The following ASB2 variants were observed in gnomAD, a reference collection of about 807,000 sequenced individuals.
ASB2 encodes ankyrin repeat and SOCS box protein 2.
ASB2 carries 58 observed loss-of-function variants against 62.4 expected under a neutral mutation model. That is an observed-to-expected ratio of 0.93 (90% CI 0.75 to 1.16). The LOEUF (loss-of-function observed/expected upper bound fraction) is 1.16. Among genes scored for constraint, ASB2 ranks in the 50% most tolerant of loss-of-function variants. The pLI is 0.00. For missense variants in ASB2, 928 were observed against 887.9 expected (o/e 1.05, Z -0.57); for synonymous variants, 386 against 385.3 (o/e 1.00, Z -0.02).
At chr14:93,969,470 G>A (rs1198358299) in intron 1 of ASB2, among the ~76,000 whole-genome samples, 2 of 152,168 alleles carry the variant, frequency 1.3e-5, no homozygotes, top group African/African-American at 2.4e-5. Flanking sequence ...GCATTGATTC[G>A]GGTGATGCCT....
intron 1 of ASB2, among the ~76,000 whole-genome samples, chr14:93,965,008 G>A (rs938596946): frequency 6.6e-6 from 1 of 151,820 alleles, no homozygotes; most frequent in African/African-American, 2.4e-5. Flanking sequence ...TATTCTCTCA[G>A]CACTACTCAT....
chr14:93,939,165 CTGCGGGGCCGGCGGG>C lies in ASB2; in HGVS notation c.1545_1559del (p.His515_Pro519del), dbSNP rs751921552. ...GCGCGTCGTTGAACCTGCTGGAGGG[CTGCGGGGCCGGCGGG>C]TGCGGGCCGTTGCCGTAGAGGCATG... On this transcript the variant is annotated inframe_deletion, in exon 8 of 10. Coordinates refer to ENST00000555019, the MANE Select transcript of ASB2 (RefSeq NM_001202429.2). 17 of 1,590,670 alleles carry C rather than the reference CTGCGGGGCCGGCGGG, an allele frequency of 1.1e-5. No individual in the cohort carries two copies. The highest frequency in any genetic ancestry group is 8.6e-7 in the Non-Finnish European group (1 of 1,164,812).
In ASB2 at chr14:93,937,757, G is replaced by A. The variant is rs201903938; in HGVS notation, c.1712C>T (p.Ser571Leu). 11 of 1,613,220 alleles carry A rather than the reference G, an allele frequency of 6.8e-6. No individual in the cohort carries two copies. The highest frequency in any genetic ancestry group is 3.3e-5 in the Admixed American group (2 of 60,012). The change falls in exon 9 of 10, where the codon TCG becomes TTG. Residue 571 changes from serine (S) to leucine (L), a missense_variant. Coordinates refer to ENST00000555019, the MANE Select transcript of ASB2 (RefSeq NM_001202429.2). ...GCTGTCGATGTGTTCCTTCAGCCGC[G>A]AGCAGAGCTGCACGTTGCCCACGTA... ...LDYVGNVQLC[S>L]RLKEHIDSFE...
At chr14:93,936,892 C>T (rs1888290769) in intron 9 of ASB2, among the ~76,000 whole-genome samples, 1 of 152,222 alleles carries the variant, frequency 6.6e-6, no homozygotes, top group South Asian at 2.1e-4. Context: ...CCATTTCTGT[C>T]ACCTGTGGCA....
chr14:93,944,835 C>T (rs187205724), intron 7 of ASB2, among the ~76,000 whole-genome samples: 11 of 152,300 alleles, frequency 7.2e-5, no homozygotes, highest in East Asian at 1.9e-4. Context: ...AGGCAGGACG[C>T]GCCTTACTCT....
At chr14:93,957,491 T>G in intron 2 of ASB2, 195 of 710,762 alleles carry the variant, frequency 2.7e-4, no homozygotes, top group Middle Eastern at 7.3e-4. Flanking sequence ...AGACACAGGT[T>G]CACATCTGGG....
intron 2 of ASB2, 176 bp from the exon 3 acceptor site, chr14:93,957,046 G>T: frequency 6.7e-7 from 1 of 1,488,976 alleles, no homozygotes; most frequent in East Asian, 2.4e-5. Flanking sequence ...CACAGCTGCT[G>T]TGTCTCCGGA....
chr14:93,950,794 T>C (rs973306042), intron 6 of ASB2, among the ~76,000 whole-genome samples: 3 of 150,826 alleles, frequency 2.0e-5, no homozygotes, highest in African/African-American at 7.3e-5. Context: ...ATGGCAGATG[T>C]CACTAGTGGA....
intron 1 of ASB2, among the ~76,000 whole-genome samples, chr14:93,966,869 G>C (rs1222949443): frequency 6.6e-6 from 1 of 152,176 alleles, no homozygotes; most frequent in African/African-American, 2.4e-5. Context: ...TGTGTGGCCA[G>C]AGTTGAGAAC....
chr14:93,972,061 T>TAA (rs1018306814), intron 1 of ASB2, among the ~76,000 whole-genome samples: 27 of 148,360 alleles, frequency 1.8e-4, no homozygotes, highest in Non-Finnish European at 3.6e-4. Flanking sequence ...ATTATATATA[T>TAA]AATATACACA....
At chr14:93,962,792 A>G (rs1361574025) in intron 2 of ASB2, among the ~76,000 whole-genome samples, 1 of 152,224 alleles carries the variant, frequency 6.6e-6, no homozygotes, top group Non-Finnish European at 1.5e-5. Flanking sequence ...CCCTGTCTTC[A>G]GAGGAAGGAT....
intron 7 of ASB2, among the ~76,000 whole-genome samples, chr14:93,946,955 T>A (rs1888748939): frequency 6.6e-6 from 1 of 152,196 alleles, no homozygotes; most frequent in South Asian, 2.1e-4. Context: ...TTGGAGCAGG[T>A]GAGTACCTGC....
chr14:93,964,577 C>A lies in ASB2; in HGVS notation c.-38G>T. 2.6e-6 allele frequency: 4 copies of A among 1,524,944 alleles called. No homozygotes were observed. The highest frequency in any genetic ancestry group is 2.4e-5 in the East Asian group (1 of 40,826). 94.5% of individuals were successfully genotyped at this position (1,524,944 alleles called of 1,614,324 possible). On this transcript the variant is annotated 5_prime_UTR_variant, in exon 2 of 10. Coordinates refer to ENST00000555019, the MANE Select transcript of ASB2 (RefSeq NM_001202429.2). ...CTCACCCTGGCCTCCAGAACAGACA[C>A]CCAGTGGGGAGGAGGGAACAGCAAA...
At chr14:93,943,396 G>A (rs940973262) in intron 7 of ASB2, among the ~76,000 whole-genome samples, 3 of 152,204 alleles carry the variant, frequency 2.0e-5, no homozygotes, top group Non-Finnish European at 4.4e-5. Context: ...TGTAATCGGA[G>A]CACTTTGGGA....
chr14:93,941,973 G>A (rs1888542719), intron 7 of ASB2, among the ~76,000 whole-genome samples: 1 of 152,234 alleles, frequency 6.6e-6, no homozygotes, highest in Non-Finnish European at 1.5e-5. Flanking sequence ...GGAACAGAGT[G>A]AGGTTGGACA....
chr14:93,951,206 C>G lies in ASB2; in HGVS notation c.673G>C (p.Val225Leu). 6.2e-7 allele frequency: 1 copy of G among 1,610,534 alleles called. No individual in the cohort carries two copies. The highest frequency in any genetic ancestry group is 2.2e-5 in the East Asian group (1 of 44,812). The change falls in exon 6 of 10, where the codon GTG (valine) becomes CTG (leucine). Residue 225 changes from valine (V) to leucine (L), a missense_variant. Coordinates refer to ENST00000555019, the MANE Select transcript of ASB2 (RefSeq NM_001202429.2). ...RKNAEAVKIL[V>L]QHNADTNHRC... is the part of the protein sequence containing the mutation. ...TGGTTGGTGTCTGCATTGTGCTGCA[C>G]CAGAATCTTCACGGCCTCCGCGTTC...
At chr14:93,964,646 C>A in intron 1 of ASB2, 34 bp from the exon 2 acceptor site, 1 of 977,788 alleles carries the variant, frequency 1.0e-6, no homozygotes, top group Non-Finnish European at 1.6e-6. Flanking sequence ...TGGTCACGAA[C>A]AGTTTTGCAG....
intron 2 of ASB2, among the ~76,000 whole-genome samples, chr14:93,962,225 C>T (rs566191704): frequency 6.9e-6 from 1 of 145,092 alleles, no homozygotes; most frequent in South Asian, 2.2e-4. Flanking sequence ...CACCATTCTC[C>T]TGCCTCAGCT....
At chr14:93,947,317 G>A in intron 7 of ASB2, 32 bp downstream of exon 7, 1 of 1,611,342 alleles carries the variant, frequency 6.2e-7, no homozygotes, top group Non-Finnish European at 8.5e-7. Flanking sequence ...CCTCGGGAGA[G>A]CTGCCTGGGT....
Sources: gnomAD v4.1 joint callset for allele counts (sites outside exome capture counted in the v4.1 genomes callset) on GRCh38, gnomAD v4.1.1 for gene constraint, MANE v1.5 for transcripts, NCBI Gene and HGNC (gene_info 2026-07-23, HGNC 2026-07-21) for gene names.